Variants in BRSK2 observed in about 807,000 individuals in gnomAD.
BRSK2 encodes serine/threonine-protein kinase BRSK2.
BRSK2 carries 19 observed loss-of-function variants against 83.3 expected under a neutral mutation model. The observed-to-expected ratio is 0.23, with a 90% CI of 0.16 to 0.33. The LOEUF (loss-of-function observed/expected upper bound fraction) is 0.33, where lower values mean the gene tolerates loss of function less well. Ranked by LOEUF, BRSK2 falls within the 10% of genes least tolerant of loss-of-function variation. The pLI is 1.00. For synonymous variants in BRSK2, 519 were observed against 435.4 expected (o/e 1.19, Z -2.39); for missense variants, 798 against 1,042.3 (o/e 0.77, Z 3.23).
intron 1 of BRSK2, among the ~76,000 whole-genome samples, chr11:1,393,651 G>A (rs1052416667): frequency 1.3e-5 from 2 of 152,178 alleles, no homozygotes; most frequent in African/African-American, 4.8e-5. Context: ...GTGGCTGCCA[G>A]GGTGGAGAGG....
intron 13 of BRSK2, 106 bp downstream of exon 13, chr11:1,449,942 C>T: frequency 1.3e-6 from 1 of 745,804 alleles, no homozygotes; most frequent in Non-Finnish European, 2.3e-6. Flanking sequence ...GGGAAGCAGC[C>T]CCAGGCGCCC....
chr11:1,460,425 C>G, intron 19 of BRSK2, 75 bp from the exon 20 acceptor site: 23 of 942,030 alleles, frequency 2.4e-5, no homozygotes, highest in Non-Finnish European at 2.8e-5. Context: ...TCCTTCCCTC[C>G]CCTCCTCTTT....
intron 1 of BRSK2, among the ~76,000 whole-genome samples, chr11:1,395,675 A>C (rs1053360541): frequency 2.0e-5 from 3 of 152,270 alleles, no homozygotes; most frequent in African/African-American, 4.8e-5. Context: ...TGTCACTGGC[A>C]ATGGCTGGAA....
intron 1 of BRSK2, among the ~76,000 whole-genome samples, chr11:1,405,616 A>C (rs1439495917): frequency 6.6e-6 from 1 of 151,916 alleles, no homozygotes; most frequent in East Asian, 2.0e-4. Context: ...GGCGCCAGCT[A>C]CCCCCAAGGG....
At chr11:1,403,634 C>T (rs1263574965) in intron 1 of BRSK2, among the ~76,000 whole-genome samples, 1 of 152,186 alleles carries the variant, frequency 6.6e-6, no homozygotes, top group Non-Finnish European at 1.5e-5. Context: ...CCCATCACCC[C>T]AGTTCAGTGG....
intron 1 of BRSK2, among the ~76,000 whole-genome samples, chr11:1,414,373 G>A (rs985774895): frequency 2.6e-5 from 4 of 152,196 alleles, no homozygotes; most frequent in South Asian, 2.1e-4. Context: ...ATCTCAGGGC[G>A]CTAGGAACTT....
chr11:1,459,279 A>G, intron 19 of BRSK2, 40 bp downstream of exon 19: 1 of 1,609,314 alleles, frequency 6.2e-7, no homozygotes, highest in Non-Finnish European at 8.5e-7. Context: ...TCCACCTGCC[A>G]CTTCACCGCT....
Position 1,450,650 on chromosome 11 carries a change from A to G in BRSK2, c.1351A>G (p.Thr451Ala), listed in dbSNP as rs1383555621. 1 of 1,607,808 alleles carries G rather than the reference A, an allele frequency of 6.2e-7. No individual in the cohort carries two copies. The highest frequency in any genetic ancestry group is 8.5e-7 in the Non-Finnish European group (1 of 1,178,132). The change falls in exon 14 of 20, where the codon ACG becomes GCG. Residue 451 changes from threonine to alanine, a missense_variant. Thr to Ala is a moderately conservative substitution (Grantham distance 58, BLOSUM62 0). Transcript: ENST00000528841. ...LPTPKGTPVHTPKESPAGTPN... is the reference protein window; with the variant it reads ...LPTPKGTPVHAPKESPAGTPN... ...CACCCCCAAGGGGACACCTGTCCAC[A>G]CGCCAAAGGAGAGCCCGGCTGGCAC...
intron 13 of BRSK2, among the ~76,000 whole-genome samples, 199 bp from the exon 14 acceptor site, chr11:1,450,388 G>A (rs1184506920): frequency 2.0e-5 from 3 of 152,084 alleles, no homozygotes; most frequent in African/African-American, 4.8e-5. Context: ...AGACCTTGCC[G>A]TGCAAGGCCA....
intron 1 of BRSK2, among the ~76,000 whole-genome samples, chr11:1,427,760 G>T (rs776221592): frequency 6.6e-6 from 1 of 152,176 alleles, no homozygotes; most frequent in Non-Finnish European, 1.5e-5. Context: ...ACAGTGAGTT[G>T]CAGGGGGAGA....
At chr11:1,408,340 G>A (rs541888565) in intron 1 of BRSK2, among the ~76,000 whole-genome samples, 2 of 152,332 alleles carry the variant, frequency 1.3e-5, no homozygotes, top group South Asian at 4.1e-4. Context: ...CTTTGGGGAG[G>A]GTGGAGTCCA....
At chr11:1,417,228 C>T (rs1461010109) in intron 1 of BRSK2, among the ~76,000 whole-genome samples, 1 of 152,190 alleles carries the variant, frequency 6.6e-6, no homozygotes, top group Non-Finnish European at 1.5e-5. Context: ...ACTCTGGGAA[C>T]AAGTGCCTTA....
chr11:1,435,290 G>A (rs34552142), intron 1 of BRSK2, among the ~76,000 whole-genome samples: 1,045 of 4,896 alleles, frequency 0.21, 67 homozygotes, highest in Non-Finnish European at 0.28. Context: ...TGGGGGTCTC[G>A]GCGGAGGAGG....
At chr11:1,399,879 G>T (rs758744439) in intron 1 of BRSK2, among the ~76,000 whole-genome samples, 3 of 142,400 alleles carry the variant, frequency 2.1e-5, no homozygotes, top group Non-Finnish European at 3.0e-5. Context: ...TGGGATGGAG[G>T]CCTCGCTCCG....
At chr11:1,444,728 TCTC>T (rs1391552202) in intron 8 of BRSK2, among the ~76,000 whole-genome samples, 29 of 145,330 alleles carry the variant, frequency 2.0e-4, no homozygotes, top group African/African-American at 6.7e-4. Flanking sequence ...CCCCGACTTC[TCTC>T]CTCCTTGAGG....
intron 1 of BRSK2, among the ~76,000 whole-genome samples, chr11:1,425,882 G>A (rs987889200): frequency 3.9e-5 from 6 of 152,148 alleles, no homozygotes; most frequent in Admixed American, 3.3e-4. Context: ...TGGGGGGAAC[G>A]CTGAGTTTCC....
At chr11:1,456,567 C>G in intron 17 of BRSK2, 31 bp from the exon 18 acceptor site, 1 of 1,604,994 alleles carries the variant, frequency 6.2e-7, no homozygotes. Context: ...GGCCCAGGCC[C>G]GTCCAGGGCA....
At position 1,460,990 on chromosome 11, in the gene BRSK2, C is replaced by T; in HGVS notation, c.*267C>T. On this transcript the variant is annotated 3_prime_UTR_variant, in exon 20 of 20. Coordinates refer to ENST00000528841, the MANE Select transcript of BRSK2 (RefSeq NM_001256627.2). ...ACCAGGAATTATCCCGAAAAGTTAA[C>T]ATGTCACCTCCACGAGGCCATCCTC... is the stretch of plus-strand genomic sequence containing the variant. 6.2e-7 allele frequency: 1 copy of T among 1,612,378 alleles called. No individual in the cohort carries two copies. The highest frequency in any genetic ancestry group is 8.5e-7 in the Non-Finnish European group (1 of 1,179,406).
intron 1 of BRSK2, among the ~76,000 whole-genome samples, chr11:1,408,136 G>A (rs755174412): frequency 1.4e-4 from 22 of 152,258 alleles, no homozygotes; most frequent in Non-Finnish European, 2.4e-4. Context: ...GGCTTATGGC[G>A]TGGGGAGCAC....
Sources: allele counts gnomAD v4.1 joint callset (sites outside exome capture counted in the v4.1 genomes callset), GRCh38; gene constraint gnomAD v4.1.1; transcripts MANE v1.5; gene names NCBI Gene and HGNC (gene_info 2026-07-23, HGNC 2026-07-21).